Variants in WDR44 observed in about 807,000 individuals in gnomAD.
The protein encoded by WDR44 is WD repeat domain 44.
Under a neutral mutation model 65.7 loss-of-function variants are expected in WDR44, and 9 were observed. The ratio of observed to expected loss-of-function variants is 0.14; its 90% CI spans 0.08 to 0.24. WDR44 has a LOEUF of 0.24. WDR44 is among the 10% of genes least tolerant of loss of function. WDR44 has a pLI of 1.00. For missense variants in WDR44, 425 were observed against 670.9 expected, an observed-to-expected ratio of 0.63 and a Z score of 4.05; for synonymous variants, 220 against 235.2, an observed-to-expected ratio of 0.94 and a Z score of 0.59.
chrX:118,377,929 C>T (rs577967155), intron 1 of WDR44, among the ~76,000 whole-genome samples: 34 of 108,934 alleles, frequency 3.1e-4, no homozygotes, highest in African/African-American at 1.1e-3. Context: ...GGTCTCACTC[C>T]GTTGACCAGA....
Position 118,449,028 on chromosome X carries a change from A to G in WDR44, c.*41A>G, listed in dbSNP as rs933393839. ...AAAATAAACATATCAGTAAGTTTCT[A>G]TATGTATCAAAACTGAAAAAATAGT... is the stretch of plus-strand genomic sequence containing the variant. On this transcript the variant is annotated 3_prime_UTR_variant, in exon 20 of 20. Coordinates refer to ENST00000254029, the MANE Select transcript of WDR44 (RefSeq NM_019045.5). 1.3e-5 allele frequency: 12 copies of G among 926,732 alleles called. No individual in the cohort carries two copies. The highest frequency in any genetic ancestry group is 2.0e-5 in the African/African-American group (1 of 50,607). The allele number at this position is 926,732 out of a possible 1,213,427, so 76.4% of individuals were successfully genotyped here. A position where few individuals can be genotyped will look rare whatever the true frequency, so the allele number is the denominator to read the frequency against.
chrX:118,408,819 C>G (rs759775208), intron 10 of WDR44, among the ~76,000 whole-genome samples: 30 of 112,144 alleles, frequency 2.7e-4, no homozygotes, highest in Non-Finnish European at 5.6e-4. Context: ...TGCCACCCAT[C>G]TTTACGTTCA....
chrX:118,400,042 C>G (rs1463884126), intron 8 of WDR44, among the ~76,000 whole-genome samples: 1 of 110,628 alleles, frequency 9.0e-6, no homozygotes, highest in Non-Finnish European at 1.9e-5. Context: ...GAGCCGTGAT[C>G]ACACCACTGC....
chrX:118,382,723 T>G (rs1442180627), intron 2 of WDR44, among the ~76,000 whole-genome samples: 7 of 111,993 alleles, frequency 6.3e-5, no homozygotes, highest in Non-Finnish European at 5.6e-5. Flanking sequence ...TATAGACAGC[T>G]CTGTAATATC....
intron 1 of WDR44, among the ~76,000 whole-genome samples, chrX:118,351,641 A>G (rs1193271083): frequency 9.0e-6 from 1 of 111,515 alleles, no homozygotes; most frequent in Non-Finnish European, 1.9e-5. Flanking sequence ...TAGTTAGTAA[A>G]TTCAAGTTCT....
intron 19 of WDR44, among the ~76,000 whole-genome samples, chrX:118,447,805 T>A (rs1179099966): frequency 9.7e-6 from 1 of 103,105 alleles, no homozygotes; most frequent in Admixed American, 1.1e-4. Context: ...CCCAGGAGTA[T>A]GAGGTTACAA....
At chrX:118,408,783 A>T (rs774970986) in intron 10 of WDR44, among the ~76,000 whole-genome samples, 2 of 111,929 alleles carry the variant, frequency 1.8e-5, no homozygotes, top group African/African-American at 6.5e-5. Context: ...AGTCCTGCTC[A>T]GTTGTTAGTG....
At chrX:118,410,658 T>C (rs2057005756) in intron 11 of WDR44, among the ~76,000 whole-genome samples, 1 of 112,070 alleles carries the variant, frequency 8.9e-6, no homozygotes, top group Admixed American at 9.5e-5. Flanking sequence ...GATTTAACGG[T>C]ATTTTGTTTA....
intron 12 of WDR44, among the ~76,000 whole-genome samples, chrX:118,419,956 C>T (rs2057089982): frequency 9.0e-6 from 1 of 111,620 alleles, no homozygotes; most frequent in Admixed American, 9.5e-5. Flanking sequence ...AACATCTACA[C>T]GTTACCTTTT....
chrX:118,371,997 C>T (rs868615488), intron 1 of WDR44, among the ~76,000 whole-genome samples: 11 of 92,999 alleles, frequency 1.2e-4, no homozygotes, highest in South Asian at 4.7e-4. Flanking sequence ...TTTTTTATTT[C>T]TTTTTTTTTT....
At chrX:118,415,160 G>A (rs1283826959) in intron 12 of WDR44, among the ~76,000 whole-genome samples, 1 of 111,943 alleles carries the variant, frequency 8.9e-6, no homozygotes, top group East Asian at 2.8e-4. Flanking sequence ...TTTTAATTCT[G>A]TTTATGTGGT....
intron 12 of WDR44, among the ~76,000 whole-genome samples, chrX:118,420,171 C>T (rs760447845): frequency 7.2e-5 from 8 of 111,524 alleles, no homozygotes; most frequent in Non-Finnish European, 1.3e-4. Flanking sequence ...CCTCTGGTCT[C>T]TACCCAATTC....
At chrX:118,386,398 C>T (rs1437050467) in intron 2 of WDR44, 1 of 358,141 alleles carries the variant, frequency 2.8e-6, no homozygotes, top group East Asian at 8.2e-5. Flanking sequence ...TTTCTAACCT[C>T]CCAAATATAT....
At chrX:118,382,118 C>T (rs1328449917) in intron 2 of WDR44, among the ~76,000 whole-genome samples, 1 of 112,157 alleles carries the variant, frequency 8.9e-6, no homozygotes, top group Non-Finnish European at 1.9e-5. Flanking sequence ...ATCCTCCTCC[C>T]TTGGCCTCCC....
At chrX:118,372,743 G>A (rs759214631) in intron 1 of WDR44, among the ~76,000 whole-genome samples, 7 of 112,178 alleles carry the variant, frequency 6.2e-5, no homozygotes, top group Non-Finnish European at 1.3e-4. Context: ...CAAGTGAGAA[G>A]GATGGTGGGA....
intron 2 of WDR44, among the ~76,000 whole-genome samples, chrX:118,381,521 G>T (rs1226061026): frequency 9.1e-6 from 1 of 109,538 alleles, no homozygotes; most frequent in Non-Finnish European, 1.9e-5. Context: ...TTTGAAGCAG[G>T]ATATTTTTGG....
At chrX:118,385,418 C>T (rs2056757604) in intron 2 of WDR44, among the ~76,000 whole-genome samples, 1 of 111,782 alleles carries the variant, frequency 8.9e-6, no homozygotes, top group Admixed American at 9.6e-5. Context: ...AAACCAAATA[C>T]TGCATGTTCT....
At chrX:118,380,288 A>G (rs928490921) in intron 2 of WDR44, among the ~76,000 whole-genome samples, 6 of 110,635 alleles carry the variant, frequency 5.4e-5, no homozygotes, top group Admixed American at 2.9e-4. Flanking sequence ...TTCTGCGCCA[A>G]TTTATCATGT....
At chrX:118,433,621 A>T (rs1391832890) in intron 13 of WDR44, among the ~76,000 whole-genome samples, 1 of 111,732 alleles carries the variant, frequency 8.9e-6, no homozygotes, top group East Asian at 2.8e-4. Flanking sequence ...CATAATAAAA[A>T]TACCTTCCTC....
Sources: allele counts gnomAD v4.1 joint callset (sites outside exome capture counted in the v4.1 genomes callset), GRCh38; gene constraint gnomAD v4.1.1; transcripts MANE v1.5; gene names NCBI Gene and HGNC (gene_info 2026-07-23, HGNC 2026-07-21).